The following CTNNA2 variants were observed in gnomAD, a reference collection of about 807,000 sequenced individuals.
The protein encoded by CTNNA2 is catenin alpha-2.
CTNNA2 carries 42 observed loss-of-function variants against 101.0 expected under a neutral mutation model. The observed-to-expected ratio is 0.42, with a 90% CI of 0.32 to 0.54. CTNNA2 has a LOEUF of 0.54. CTNNA2 is among the 20% of genes least tolerant of loss of function. The pLI, the probability that CTNNA2 is intolerant of heterozygous loss-of-function variation, is 0.14. For missense variants in CTNNA2, 871 were observed against 1,223.1 expected, an observed-to-expected ratio of 0.71 and a Z score of 4.29; for synonymous variants, 450 against 456.4, an observed-to-expected ratio of 0.99 and a Z score of 0.18.
chr2:79,340,249 C>G (rs571083896), intron 3 of CTNNA2: 1 of 151,544 alleles, frequency 6.6e-6, no homozygotes, highest in Non-Finnish European at 1.5e-5. Context: ...GTAACAACAA[C>G]AAAAAAACAC....
chr2:79,385,384 A>G (rs1337070667), intron 4 of CTNNA2, among the ~76,000 whole-genome samples: 1 of 152,248 alleles, frequency 6.6e-6, no homozygotes, highest in Non-Finnish European at 1.5e-5. Flanking sequence ...CAGCAACAGT[A>G]GACCACTTGG....
intron 1 of CTNNA2, among the ~76,000 whole-genome samples, chr2:79,534,367 C>T (rs1035338820): frequency 2.0e-5 from 3 of 151,844 alleles, no homozygotes. Flanking sequence ...GTATAGATAC[C>T]GAGTTGAAGG....
At chr2:80,326,230 A>G (rs1272272491) in intron 7 of CTNNA2, among the ~76,000 whole-genome samples, 2 of 152,168 alleles carry the variant, frequency 1.3e-5, no homozygotes, top group African/African-American at 2.4e-5. Flanking sequence ...TACTACCTCT[A>G]TATATTTTCT....
chr2:80,158,922 A>G (rs1243782669), intron 7 of CTNNA2, among the ~76,000 whole-genome samples: 1 of 152,112 alleles, frequency 6.6e-6, no homozygotes, highest in African/African-American at 2.4e-5. Flanking sequence ...AAAAAAAAAA[A>G]AAAAGAATGT....
chr2:80,358,948 T>C (rs1674116749), intron 7 of CTNNA2, among the ~76,000 whole-genome samples: 2 of 152,122 alleles, frequency 1.3e-5, no homozygotes, highest in South Asian at 4.1e-4. Context: ...CCTTTTTGCA[T>C]TGGGGTTTCC....
At chr2:79,989,693 C>T (rs550635617) in intron 7 of CTNNA2, among the ~76,000 whole-genome samples, 1 of 152,136 alleles carries the variant, frequency 6.6e-6, no homozygotes. Flanking sequence ...CTAAGATATG[C>T]ATGCATCTGA....
At chr2:79,687,778 C>T (rs558769568) in intron 2 of CTNNA2, 47 of 467,220 alleles carry the variant, frequency 1.0e-4, no homozygotes, top group African/African-American at 7.6e-4. Flanking sequence ...TGAAGATGTT[C>T]GGCTTGAAAT....
chr2:80,458,101 C>G (rs1684132409), intron 9 of CTNNA2, among the ~76,000 whole-genome samples: 1 of 152,140 alleles, frequency 6.6e-6, no homozygotes, highest in Admixed American at 6.5e-5. Context: ...CTAACAGCAG[C>G]TATAGAAATA....
chr2:80,485,416 TGG>T (rs1250624049), intron 9 of CTNNA2, among the ~76,000 whole-genome samples: 1 of 152,196 alleles, frequency 6.6e-6, no homozygotes, highest in African/African-American at 2.4e-5. Context: ...CCTAACAATT[TGG>T]GATTTTATTT....
intron 1 of CTNNA2, among the ~76,000 whole-genome samples, chr2:79,585,814 A>G (rs1034134686): frequency 1.5e-4 from 22 of 151,360 alleles, no homozygotes; most frequent in African/African-American, 4.6e-4. Flanking sequence ...TCCCTTCAGT[A>G]TCCATTTGCT....
chr2:79,222,436 G>C (rs1319352292), intron 2 of CTNNA2, among the ~76,000 whole-genome samples: 4 of 152,204 alleles, frequency 2.6e-5, no homozygotes, highest in Admixed American at 2.6e-4. Flanking sequence ...TGCAGGGCCA[G>C]TGTCAATATC....
intron 7 of CTNNA2, among the ~76,000 whole-genome samples, chr2:80,016,283 A>G (rs567452243): frequency 3.3e-5 from 5 of 152,280 alleles, no homozygotes; most frequent in South Asian, 4.1e-4. Context: ...TTGTTAAGCT[A>G]TGGAGTCTAG....
At chr2:80,509,724 C>A (rs2149549250) in intron 9 of CTNNA2, among the ~76,000 whole-genome samples, 1 of 152,224 alleles carries the variant, frequency 6.6e-6, no homozygotes, top group South Asian at 2.1e-4. Context: ...TGTCATCAGT[C>A]CTAGCTAGCT....
chr2:80,389,165 T>G (rs1311406870), intron 7 of CTNNA2, among the ~76,000 whole-genome samples: 1 of 152,218 alleles, frequency 6.6e-6, no homozygotes, highest in African/African-American at 2.4e-5. Context: ...TTCTTTCATT[T>G]TTTTTCCACA....
chr2:79,346,992 C>A (rs1677278013), intron 3 of CTNNA2, among the ~76,000 whole-genome samples: 1 of 152,176 alleles, frequency 6.6e-6, no homozygotes, highest in African/African-American at 2.4e-5. Flanking sequence ...TATTGGGTAC[C>A]ATGTTCACTG....
chr2:80,175,179 C>T (rs960737175), intron 7 of CTNNA2, among the ~76,000 whole-genome samples: 1 of 152,122 alleles, frequency 6.6e-6, no homozygotes, highest in Non-Finnish European at 1.5e-5. Context: ...TATGCTCTTC[C>T]CTGTGCCTGG....
intron 7 of CTNNA2, among the ~76,000 whole-genome samples, chr2:80,267,773 T>C (rs1480321079): frequency 6.6e-6 from 1 of 152,192 alleles, no homozygotes; most frequent in Non-Finnish European, 1.5e-5. Context: ...AGCTGACAAT[T>C]GTTCTCAGAT....
At chr2:80,429,778 C>T (rs544404640) in intron 9 of CTNNA2, among the ~76,000 whole-genome samples, 8 of 152,268 alleles carry the variant, frequency 5.3e-5, no homozygotes, top group South Asian at 2.1e-4. Flanking sequence ...ACCAGCTTCA[C>T]GAGTCTTCAC....
chr2:80,542,297 G>A (rs989355241), intron 9 of CTNNA2, among the ~76,000 whole-genome samples: 2 of 152,018 alleles, frequency 1.3e-5, no homozygotes, highest in South Asian at 2.1e-4. Flanking sequence ...GGACACAAAT[G>A]AGATCTATGT....
Sources: allele counts gnomAD v4.1 joint callset (sites outside exome capture counted in the v4.1 genomes callset), GRCh38; gene constraint gnomAD v4.1.1; transcripts MANE v1.5; gene names NCBI Gene and HGNC (gene_info 2026-07-23, HGNC 2026-07-21).